The following MAPKAP1 variants were observed in gnomAD, a reference collection of about 807,000 sequenced individuals.
MAPKAP1 encodes the protein MAPK associated protein 1.
MAPKAP1 carries 20 observed loss-of-function variants against 65.7 expected under a neutral mutation model. The observed-to-expected ratio is 0.30, with a 90% CI of 0.21 to 0.44. The LOEUF is 0.44. MAPKAP1 is among the 20% of genes least tolerant of loss of function. MAPKAP1 has a pLI of 1.00. For synonymous variants in MAPKAP1, 222 were observed against 244.3 expected, an observed-to-expected ratio of 0.91 and a Z score of 0.85; for missense variants, 423 against 648.0, an observed-to-expected ratio of 0.65 and a Z score of 3.77.
At chr9:125,612,768 G>A (rs13285366) in intron 4 of MAPKAP1, among the ~76,000 whole-genome samples, 46,352 of 152,058 alleles carry the variant, frequency 0.3, 8,006 homozygotes, top group Middle Eastern at 0.4. Context: ...TGCAGCCCAG[G>A]TTCCTCATGC....
chr9:125,438,820 C>A lies in MAPKAP1; in HGVS notation c.*67G>T, dbSNP rs1310670099. 11 of 1,605,588 alleles carry A rather than the reference C, an allele frequency of 6.9e-6. No individual in the cohort carries two copies. The highest frequency in any genetic ancestry group is 7.7e-6 in the Non-Finnish European group (9 of 1,175,136). On this transcript the variant is annotated 3_prime_UTR_variant, in exon 12 of 12. Transcript: ENST00000265960. ...CGAGGACTTCAGGACACCGGGTGGA[C>A]TCTAGGGCACTTGGCCCTGGCAGGC... is the stretch of plus-strand genomic sequence containing the variant.
At chr9:125,613,452 A>G (rs1156526739) in intron 4 of MAPKAP1, among the ~76,000 whole-genome samples, 3 of 152,184 alleles carry the variant, frequency 2.0e-5, no homozygotes, top group Non-Finnish European at 4.4e-5. Flanking sequence ...AGATGCAAGA[A>G]TGTAAGAGGC....
At chr9:125,619,472 A>AT (rs1832835336) in intron 4 of MAPKAP1, among the ~76,000 whole-genome samples, 1 of 151,038 alleles carries the variant, frequency 6.6e-6, no homozygotes, top group African/African-American at 2.5e-5. Context: ...GCAAGACTCC[A>AT]TTTAAAAAAA....
chr9:125,474,081 T>C (rs1349168348), intron 9 of MAPKAP1, among the ~76,000 whole-genome samples: 1 of 152,088 alleles, frequency 6.6e-6, no homozygotes, highest in Non-Finnish European at 1.5e-5. Flanking sequence ...GGATGTGACA[T>C]AGACTCAGTG....
intron 1 of MAPKAP1, among the ~76,000 whole-genome samples, chr9:125,687,729 G>A (rs1168952310): frequency 1.3e-5 from 2 of 152,018 alleles, no homozygotes; most frequent in Non-Finnish European, 1.5e-5. Context: ...AGGTTACAGT[G>A]AGCATGATTG....
At chr9:125,457,534 A>G (rs534769138) in intron 10 of MAPKAP1, among the ~76,000 whole-genome samples, 18 of 152,330 alleles carry the variant, frequency 1.2e-4, no homozygotes, top group African/African-American at 4.3e-4. Flanking sequence ...CATGTCTAGT[A>G]ATTTTTAAGC....
intron 9 of MAPKAP1, among the ~76,000 whole-genome samples, chr9:125,483,471 A>G (rs1854389476): frequency 6.6e-6 from 1 of 152,250 alleles, no homozygotes; most frequent in South Asian, 2.1e-4. Flanking sequence ...TATGACAAGC[A>G]TACAAAGCAT....
At chr9:125,706,613 G>C (rs1027932536) in intron 1 of MAPKAP1, among the ~76,000 whole-genome samples, 1 of 152,024 alleles carries the variant, frequency 6.6e-6, no homozygotes, top group African/African-American at 2.4e-5. Context: ...AGGGACGCAA[G>C]GAAACAAGGA....
intron 9 of MAPKAP1, chr9:125,471,264 A>G (rs1589219342): frequency 6.6e-6 from 1 of 152,464 alleles, no homozygotes; most frequent in African/African-American, 2.4e-5. Flanking sequence ...GGAGGCCCAG[A>G]ATCCAGCCTG....
Position 125,672,425 on chromosome 9 carries a change from A to C in MAPKAP1, c.150T>G (p.Ser50Arg). Residue 50 changes from serine to arginine, a missense_variant, in exon 2 of 12, where the codon AGT (serine) becomes AGG (arginine). Physicochemically the swap from Ser to Arg is moderately radical, Grantham distance 110. This residue lies in a region of MAPKAP1 where 58 missense variants were observed against 56.9 expected (regional missense o/e 1.02). Transcript: ENST00000265960. The stretch of plus-strand genomic sequence containing the variant: ...CATTGCTTCCCTGAATTTCTGACCC[A>C]CTGTCTCCAGGCATTGAAGGAGGAT... Reference protein sequence around the residue: ...KIHPPSMPGDSGSEIQGSNGE... With the variant: ...KIHPPSMPGDRGSEIQGSNGE... 2.5e-6 allele frequency: 4 copies of C among 1,614,140 alleles called. No homozygotes were observed. Among genetic ancestry groups the C allele is most frequent in the Non-Finnish European group, 3.4e-6 (4 of 1,180,018 alleles).
intron 5 of MAPKAP1, among the ~76,000 whole-genome samples, chr9:125,570,671 G>A (rs764973734): frequency 5.3e-5 from 8 of 151,634 alleles, no homozygotes; most frequent in Non-Finnish European, 1.2e-4. Flanking sequence ...TTTGTTTTTG[G>A]TGAAAGATTG....
At chr9:125,641,570 C>T (rs1330938573) in intron 4 of MAPKAP1, among the ~76,000 whole-genome samples, 2 of 151,880 alleles carry the variant, frequency 1.3e-5, no homozygotes, top group Non-Finnish European at 2.9e-5. Flanking sequence ...ATTAAAGGAG[C>T]AATACATTCA....
chr9:125,469,101 A>G (rs1053432446), intron 9 of MAPKAP1, among the ~76,000 whole-genome samples: 52 of 152,320 alleles, frequency 3.4e-4, no homozygotes, highest in African/African-American at 1.2e-3. Flanking sequence ...CATGCCTTCT[A>G]TAGTGGGCCC....
chr9:125,490,574 A>G (rs759140339), intron 8 of MAPKAP1, among the ~76,000 whole-genome samples: 31 of 152,138 alleles, frequency 2.0e-4, no homozygotes, highest in Non-Finnish European at 2.4e-4. Context: ...ACCAACAAAA[A>G]AACAACAACA....
At chr9:125,559,436 G>C (rs992026881) in intron 6 of MAPKAP1, 197 bp downstream of exon 6, 6 of 494,754 alleles carry the variant, frequency 1.2e-5, no homozygotes, top group Non-Finnish European at 2.2e-5. Context: ...CTGCAAAGCA[G>C]TCTGCGTAGC....
intron 4 of MAPKAP1, among the ~76,000 whole-genome samples, chr9:125,642,455 C>G (rs1031580483): frequency 6.6e-6 from 1 of 152,208 alleles, no homozygotes; most frequent in East Asian, 1.9e-4. Flanking sequence ...TGACTAAGAC[C>G]AACTAGACCC....
chr9:125,472,523 G>T (rs1853960533), intron 9 of MAPKAP1, among the ~76,000 whole-genome samples: 1 of 152,166 alleles, frequency 6.6e-6, no homozygotes, highest in Non-Finnish European at 1.5e-5. Context: ...CTCGGCTAAA[G>T]TTTTTGCGTA....
intron 1 of MAPKAP1, among the ~76,000 whole-genome samples, chr9:125,680,370 C>T (rs1330515972): frequency 1.3e-5 from 2 of 152,076 alleles, no homozygotes; most frequent in East Asian, 3.9e-4. Flanking sequence ...TTCATACCTC[C>T]TGGAATTCGA....
chr9:125,607,222 ATAT>A (rs752191558), intron 4 of MAPKAP1, among the ~76,000 whole-genome samples: 39 of 152,368 alleles, frequency 2.6e-4, no homozygotes, highest in Non-Finnish European at 4.0e-4. Context: ...GTTTCAACAA[ATAT>A]TATAGCGACT....
Sources: gnomAD v4.1 joint callset for allele counts (sites outside exome capture counted in the v4.1 genomes callset) on GRCh38, gnomAD v4.1.1 for gene constraint, gnomAD v4.1.1 regional missense constraint, MANE v1.5 for transcripts, NCBI Gene and HGNC (gene_info 2026-07-23, HGNC 2026-07-21) for gene names.